PLD5: variants seen among roughly 807,000 people sequenced by gnomAD.
PLD5 encodes the protein inactive phospholipase D5.
Under a neutral mutation model 61.1 loss-of-function variants are expected in PLD5, and 36 were observed. That is an observed-to-expected ratio of 0.59 (90% CI 0.45 to 0.78). PLD5 has a LOEUF of 0.78. Among genes scored for constraint, PLD5 ranks in the 30% least tolerant of loss-of-function variants. The probability of loss-of-function intolerance (pLI) is 0.00; values close to 1 mark genes in which losing one functional copy is unlikely to be tolerated. For synonymous variants in PLD5, 243 were observed against 242.8 expected (o/e 1.00, Z -0.01); for missense variants, 515 against 644.4 (o/e 0.80, Z 2.17).
intron 5 of PLD5, among the ~76,000 whole-genome samples, chr1:242,136,516 G>T (rs986709639): frequency 6.6e-6 from 1 of 152,144 alleles, no homozygotes; most frequent in Non-Finnish European, 1.5e-5. Flanking sequence ...TAACCTCACA[G>T]TATGGGCATG....
At position 242,393,628 on chromosome 1, in the gene PLD5, G is replaced by GCA. The variant is rs1558524321; in HGVS notation, c.190-45387_190-45386insTG. 4.1e-5 allele frequency among the ~76,000 whole-genome samples: 3 copies of GCA among 72,560 alleles called. 1 individual carries two copies. Among genetic ancestry groups the GCA allele is most frequent in the Non-Finnish European group, 2.8e-5 (1 of 35,778 alleles). 47.6% of individuals were successfully genotyped at this position (72,560 alleles called of 152,430 possible). Reference sequence around the variant, plus strand: ...TGAGCATATATGTGTATATATATGAGTATATATATGTGTATATATATGAGT... The same window carrying GCA: ...TGAGCATATATGTGTATATATATGAGCATATATATATGTGTATATATATGAGT... On this transcript the variant is annotated intron_variant, in intron 1 of 9. Coordinates refer to ENST00000536534, the MANE Select transcript of PLD5 (RefSeq NM_001372062.1).
chr1:242,343,278 A>C (rs1304123035), intron 2 of PLD5, among the ~76,000 whole-genome samples: 4 of 152,028 alleles, frequency 2.6e-5, no homozygotes, highest in African/African-American at 9.7e-5. Flanking sequence ...GCAAAGGTTG[A>C]ACTGCGTAAG....
Position 242,209,596 on chromosome 1 carries a change from G to A in PLD5, c.735+10392C>T, listed in dbSNP as rs575126883. On this transcript the variant is annotated intron_variant, in intron 5 of 9. Coordinates refer to ENST00000536534, the MANE Select transcript of PLD5 (RefSeq NM_001372062.1). Reference sequence around the variant, plus strand: ...TATGGCAACAGCACAACCTGCACCCGTCTAAGTTGGAGAACTTAATCCATA... The same window carrying A: ...TATGGCAACAGCACAACCTGCACCCATCTAAGTTGGAGAACTTAATCCATA... 5.3e-4 allele frequency among the ~76,000 whole-genome samples: 81 copies of A among 152,246 alleles called. 1 individual carries two copies. The highest frequency in any genetic ancestry group is 1.8e-3 in the African/African-American group (73 of 41,556).
intron 1 of PLD5, among the ~76,000 whole-genome samples, chr1:242,367,125 A>T (rs79951841): frequency 0.021 from 3,235 of 152,256 alleles, 51 homozygotes; most frequent in East Asian, 0.033. Flanking sequence ...CCCATCTTAT[A>T]AAAAAATTCT....
chr1:242,317,307 G>C (rs901842825), intron 2 of PLD5, among the ~76,000 whole-genome samples: 2 of 152,110 alleles, frequency 1.3e-5, no homozygotes, highest in African/African-American at 4.8e-5. Context: ...GAGCCACTGC[G>C]CCTGGCCTCC....
chr1:242,083,074 G>A lies in PLD5; in HGVS notation c.*6780C>T, dbSNP rs1057495211. 5.3e-5 allele frequency: 8 copies of A among 151,810 alleles called. No individual in the cohort carries two copies. The highest frequency in any genetic ancestry group is 1.9e-4 in the African/African-American group (8 of 41,382). 9.4% of individuals were successfully genotyped at this position (151,810 alleles called of 1,614,324 possible). A position where few individuals can be genotyped will look rare whatever the true frequency, so the allele number is the denominator to read the frequency against. ...AGGAACTACAAAGTCCAGACTCATT[G>A]TTCAGGAGTCAAGTATTTCTCCAGT... is the stretch of plus-strand genomic sequence containing the variant. On this transcript the variant is annotated 3_prime_UTR_variant, in exon 10 of 10. Transcript: ENST00000536534.
intron 2 of PLD5, among the ~76,000 whole-genome samples, chr1:242,331,062 C>G (rs12072902): frequency 0.01 from 1,562 of 152,232 alleles, 18 homozygotes; most frequent in African/African-American, 0.035. Context: ...TGGGGTACTA[C>G]TGGGTCAGAT....
At chr1:242,293,585 C>T (rs544192887) in intron 2 of PLD5, among the ~76,000 whole-genome samples, 23 of 152,264 alleles carry the variant, frequency 1.5e-4, no homozygotes, top group South Asian at 8.3e-4. Context: ...ATGCTTCCCA[C>T]GCCCACTGGG....
intron 4 of PLD5, among the ~76,000 whole-genome samples, chr1:242,264,781 A>T (rs1424312484): frequency 6.6e-6 from 1 of 152,196 alleles, no homozygotes; most frequent in African/African-American, 2.4e-5. Context: ...TTCGGTTGAC[A>T]TTATAGCAAA....
chr1:242,174,003 C>G (rs1666945964), intron 5 of PLD5, among the ~76,000 whole-genome samples: 1 of 152,164 alleles, frequency 6.6e-6, no homozygotes, highest in Non-Finnish European at 1.5e-5. Context: ...AACTTCATGT[C>G]TAAAACACCA....
Position 242,118,709 on chromosome 1 carries a change from G to C in PLD5, c.934-4683C>G, listed in dbSNP as rs553075877. The stretch of plus-strand genomic sequence containing the variant: ...ATTGCTTCCTGTGTTCCCACTGCCT[G>C]ACACAATGGCAGGTGCTCCAGCTCC... On this transcript the variant is annotated intron_variant, in intron 6 of 9. Transcript: ENST00000536534. Among the ~76,000 whole-genome samples, 5 of 152,300 alleles carry C rather than the reference G, an allele frequency of 3.3e-5. No individual in the cohort carries two copies. The South Asian group carries it at 6.2e-4, about 19-fold the overall frequency.
chr1:242,294,188 T>C (rs1009985226), intron 2 of PLD5, among the ~76,000 whole-genome samples: 6 of 152,202 alleles, frequency 3.9e-5, no homozygotes, highest in Non-Finnish European at 8.8e-5. Context: ...AGGAATGCAA[T>C]ACAACAAAAA....
At chr1:242,424,232 C>T (rs1165157960) in intron 1 of PLD5, among the ~76,000 whole-genome samples, 1 of 152,142 alleles carries the variant, frequency 6.6e-6, no homozygotes, top group Non-Finnish European at 1.5e-5. Context: ...CTATGCTCTA[C>T]TGATAATGTT....
intron 9 of PLD5, among the ~76,000 whole-genome samples, chr1:242,100,277 A>G (rs1373426281): frequency 6.6e-6 from 1 of 152,214 alleles, no homozygotes; most frequent in African/African-American, 2.4e-5. Flanking sequence ...GAACCACTCC[A>G]CTGCCTGCCT....
intron 1 of PLD5, among the ~76,000 whole-genome samples, chr1:242,351,000 C>T (rs1003701824): frequency 1.3e-5 from 2 of 151,786 alleles, no homozygotes; most frequent in Non-Finnish European, 2.9e-5. Flanking sequence ...CTCCCAGGCT[C>T]AAGCCTCAGC....
At position 242,389,913 on chromosome 1, in the gene PLD5, A is replaced by G. The variant is rs79997801; in HGVS notation, c.190-41671T>C. On this transcript the variant is annotated intron_variant, in intron 1 of 9. Transcript: ENST00000536534. The stretch of plus-strand genomic sequence containing the variant: ...GCCATATAATCTCACCCGTAATACA[A>G]GTTTGGTGTTCTGCAGGAAATTCTT... 1.1e-3 allele frequency among the ~76,000 whole-genome samples: 163 copies of G among 152,176 alleles called. 2 individuals carry two copies. The East Asian group carries it at 0.028, about 26-fold the overall frequency.
intron 1 of PLD5, among the ~76,000 whole-genome samples, chr1:242,422,067 A>G (rs577601451): frequency 7.9e-5 from 12 of 152,300 alleles, no homozygotes; most frequent in African/African-American, 2.4e-4. Flanking sequence ...CATTTTTTCA[A>G]TCTGCTTCCT....
At chr1:242,131,625 C>T (rs560669363) in intron 5 of PLD5, among the ~76,000 whole-genome samples, 1 of 152,190 alleles carries the variant, frequency 6.6e-6, no homozygotes, top group Non-Finnish European at 1.5e-5. Flanking sequence ...TACAAGAATA[C>T]TCAAAAATGA....
chr1:242,416,947 C>T (rs1342189410), intron 1 of PLD5, among the ~76,000 whole-genome samples: 1 of 152,110 alleles, frequency 6.6e-6, no homozygotes, highest in Non-Finnish European at 1.5e-5. Context: ...AATGTTTATA[C>T]AGCAGTGATC....
Sources: allele counts gnomAD v4.1 joint callset (sites outside exome capture counted in the v4.1 genomes callset), GRCh38; gene constraint gnomAD v4.1.1; transcripts MANE v1.5; gene names NCBI Gene and HGNC (gene_info 2026-07-23, HGNC 2026-07-21).